Variants in GIT2 observed in about 807,000 individuals in gnomAD.
GIT2 encodes ARF GTPase-activating protein GIT2.
In GIT2, 32 loss-of-function variants were observed where a neutral mutation model predicts 100.3. That is an observed-to-expected ratio of 0.32 (90% CI 0.24 to 0.43). The LOEUF (loss-of-function observed/expected upper bound fraction) is 0.43, where lower values mean the gene tolerates loss of function less well. Ranked by LOEUF, GIT2 falls within the 20% of genes least tolerant of loss-of-function variation. The probability of loss-of-function intolerance (pLI) is 1.00; values close to 1 mark genes in which losing one functional copy is unlikely to be tolerated. For synonymous variants in GIT2, 353 were observed against 364.1 expected, an observed-to-expected ratio of 0.97 and a Z score of 0.35; for missense variants, 737 against 975.1, an observed-to-expected ratio of 0.76 and a Z score of 3.25.
At position 109,934,245 on chromosome 12, in the gene GIT2, A is replaced by C; in HGVS notation, c.2004-160T>G. 1 of 608,142 alleles carries C rather than the reference A, an allele frequency of 1.6e-6. No individual in the cohort carries two copies. The highest frequency in any genetic ancestry group is 3.0e-6 in the Non-Finnish European group (1 of 335,374). The allele number at this position is 608,142 out of a possible 1,614,324, so 37.7% of individuals were successfully genotyped here. On this transcript the variant is annotated intron_variant, in intron 18 of 19. Transcript: ENST00000355312. The surrounding 1 kb of genome is among the most constrained non-coding windows in gnomAD (Gnocchi z 4.5). ...CACCACCAGAGGGCACATGGTTATA[A>C]AGCAGGACTCTCATTGCTTCCTAAA...
rs138490364 is a variant in GIT2, at chr12:109,960,004, T to C, written c.988-46A>G. On this transcript the variant is annotated intron_variant, in intron 11 of 19. Coordinates refer to ENST00000355312, the MANE Select transcript of GIT2 (RefSeq NM_057169.5). ...GGAAATATTTCCCAGTGTAAAAATA[T>C]ATACATAAATAGTCACATAAAACTA... 306 of 1,219,576 alleles carry C rather than the reference T, an allele frequency of 2.5e-4. 1 individual carries two copies. The African/African-American group carries it at 3.8e-3, about 15-fold the overall frequency. 75.5% of individuals were successfully genotyped at this position (1,219,576 alleles called of 1,614,324 possible). A position where few individuals can be genotyped will look rare whatever the true frequency, so the allele number is the denominator to read the frequency against.
At chr12:109,943,651 G>A (rs1875415347) in intron 16 of GIT2, among the ~76,000 whole-genome samples, 1 of 147,860 alleles carries the variant, frequency 6.8e-6, no homozygotes, top group South Asian at 2.2e-4. Flanking sequence ...TAAGTACAAT[G>A]TATCAAGAAT....
chr12:109,998,937 G>T (rs1474865545), upstream of GIT2: 1 of 152,242 alleles, frequency 6.6e-6, no homozygotes, highest in Non-Finnish European at 1.5e-5. Flanking sequence ...GAGAAATCAT[G>T]AAGTAGAAAT....
At chr12:109,977,161 T>C (rs1885268415) in intron 7 of GIT2, among the ~76,000 whole-genome samples, 1 of 152,168 alleles carries the variant, frequency 6.6e-6, no homozygotes, top group African/African-American at 2.4e-5. Context: ...AGTTCTGGGT[T>C]CACAGCTCTT....
At chr12:109,995,714 C>T (rs1334234719) in intron 1 of GIT2, among the ~76,000 whole-genome samples, 1 of 152,220 alleles carries the variant, frequency 6.6e-6, no homozygotes, top group Non-Finnish European at 1.5e-5. Context: ...GGGAAGTCAT[C>T]TACGGGGACC....
intron 7 of GIT2, among the ~76,000 whole-genome samples, chr12:109,968,406 T>C (rs1240561603): frequency 6.6e-6 from 1 of 152,154 alleles, no homozygotes; most frequent in Non-Finnish European, 1.5e-5. Flanking sequence ...TACTGTTGAG[T>C]TTTAATTTTA....
rs150299377 is a variant in GIT2 at position 109,976,916 on chromosome 12, T to A, written c.718+4036A>T. Among the ~76,000 whole-genome samples, 14 of 152,310 alleles carry A rather than the reference T, an allele frequency of 9.2e-5. No homozygotes were observed. In the East Asian group the frequency reaches 2.7e-3, roughly 29 times the overall value. ...CAATGTTACAGCTTTAAGATATGTA[T>A]GACAATTTCAACTTTTTGTTTGTTT... is the stretch of plus-strand genomic sequence containing the variant. On this transcript the variant is annotated intron_variant, in intron 7 of 19. Coordinates refer to ENST00000355312, the MANE Select transcript of GIT2 (RefSeq NM_057169.5).
Position 109,962,987 on chromosome 12 carries a change from C to T in GIT2, c.817-1302G>A, listed in dbSNP as rs968550851. Among the ~76,000 whole-genome samples, 2 of 151,646 alleles carry T rather than the reference C, an allele frequency of 1.3e-5. No homozygotes were observed. Among genetic ancestry groups the T allele is most frequent in the Admixed American group, 6.6e-5 (1 of 15,226 alleles). ...CACCACTGCACGCCAGCCTGGGTGACGGAGTGAGACCTTGTCTCGAAAAAA... is the reference window on the plus strand; with the variant it reads ...CACCACTGCACGCCAGCCTGGGTGATGGAGTGAGACCTTGTCTCGAAAAAA... On this transcript the variant is annotated intron_variant, in intron 9 of 19. Coordinates refer to ENST00000355312, the MANE Select transcript of GIT2 (RefSeq NM_057169.5). This position sits in a 1 kb window ranked among gnomAD's most constrained non-coding sequence, Gnocchi z 4.3.
chr12:109,979,272 C>CT lies in GIT2; in HGVS notation c.718+1679dup, dbSNP rs11338613. Among the ~76,000 whole-genome samples, 610 of 85,772 alleles carry CT rather than the reference C, an allele frequency of 7.1e-3. 8 individuals carry two copies. Among genetic ancestry groups the CT allele is most frequent in the East Asian group, 0.036 (120 of 3,338 alleles). The allele number at this position is 85,772 out of a possible 152,430, so 56.3% of individuals were successfully genotyped here. A position where few individuals can be genotyped will look rare whatever the true frequency, so the allele number is the denominator to read the frequency against. On this transcript the variant is annotated intron_variant, in intron 7 of 19. Coordinates refer to ENST00000355312, the MANE Select transcript of GIT2 (RefSeq NM_057169.5). The stretch of plus-strand genomic sequence containing the variant: ...TTCCTGCTCTTTAACCAGAAAAAGG[C>CT]TTTTTTTTTTTTTTTTTTTTTGAGA...
Position 109,947,294 on chromosome 12 carries a change from C to G in GIT2, c.1603G>C (p.Glu535Gln). The G allele has an allele frequency of 6.2e-7, 1 of 1,614,128 alleles. No homozygotes were observed. Among genetic ancestry groups the G allele is most frequent in the Non-Finnish European group, 8.5e-7 (1 of 1,179,988 alleles). ...YLPMGEASRP[E>Q]ESRMRLQPFP... is the part of the protein sequence containing the mutation. ...GGCTGGAGTCTCATCCTGCTCTCTT[C>G]GGGGCGGCTCGCTTCTCCCATTGGG... The change falls in exon 15 of 20, where the codon GAA (glutamate) becomes CAA (glutamine). Residue 535 changes from glutamate (E) to glutamine (Q), a missense_variant. Physicochemically the swap from Glu to Gln is conservative, Grantham distance 29. Transcript: ENST00000355312. This position sits in a 1 kb window ranked among gnomAD's most constrained non-coding sequence, Gnocchi z 4.3.
chr12:109,964,018 C>T (rs575271632), intron 9 of GIT2, among the ~76,000 whole-genome samples: 11 of 152,306 alleles, frequency 7.2e-5, no homozygotes, highest in African/African-American at 2.2e-4. Flanking sequence ...ATGCCTGCCA[C>T]GTGCTAGAGA....
intron 7 of GIT2, among the ~76,000 whole-genome samples, chr12:109,968,644 A>C (rs1216088503): frequency 1.3e-5 from 2 of 152,082 alleles, no homozygotes; most frequent in African/African-American, 4.8e-5. Flanking sequence ...GCTGGTCTTG[A>C]ACTCCTGACC....
upstream of GIT2, chr12:109,998,480 G>A (rs1477095286): frequency 6.6e-6 from 1 of 152,256 alleles, no homozygotes; most frequent in Non-Finnish European, 1.5e-5. Flanking sequence ...CAGCTGAGCT[G>A]AAGCAGCAGC....
intron 7 of GIT2, among the ~76,000 whole-genome samples, chr12:109,974,754 A>G (rs1884682549): frequency 6.6e-6 from 1 of 152,244 alleles, no homozygotes; most frequent in African/African-American, 2.4e-5. Flanking sequence ...GTCAGGTAGA[A>G]GAGTCTATAA....
intron 2 of GIT2, among the ~76,000 whole-genome samples, chr12:109,990,384 C>T (rs1645070064): frequency 6.6e-6 from 1 of 152,208 alleles, no homozygotes; most frequent in African/African-American, 2.4e-5. Context: ...TACAATCTGG[C>T]TTTGCAAACA....
intron 15 of GIT2, among the ~76,000 whole-genome samples, chr12:109,946,494 A>G (rs1363164359): frequency 6.6e-6 from 1 of 152,246 alleles, no homozygotes; most frequent in East Asian, 1.9e-4. Context: ...ACATATTTTT[A>G]TAATAAAGTA....
Position 109,989,000 on chromosome 12 carries a change from C to T in GIT2, c.368G>A (p.Arg123Gln), listed in dbSNP as rs769937855. The T allele has an allele frequency of 7.4e-6, 12 of 1,612,014 alleles. No individual in the cohort carries two copies. Among genetic ancestry groups the T allele is most frequent in the South Asian group, 1.1e-5 (1 of 91,030 alleles). Reference protein sequence around the residue: ...MLAFVHRLPCRDDDSVTAKDL... With the variant: ...MLAFVHRLPCQDDDSVTAKDL... ...TTTGGCAGTCACACTATCGTCATCCCGGCAGGGCAAGCGATGGACGAACGC... is the reference window on the plus strand; with the variant it reads ...TTTGGCAGTCACACTATCGTCATCCTGGCAGGGCAAGCGATGGACGAACGC... Residue 123 changes from arginine to glutamine, a missense_variant, in exon 4 of 20, where the codon CGG becomes CAG. Transcript: ENST00000355312.
At position 109,989,001 on chromosome 12, in the gene GIT2, G is replaced by A. The variant is rs773295040; in HGVS notation, c.367C>T (p.Arg123Trp). Residue 123 changes from arginine (R) to tryptophan (W), a missense_variant, in exon 4 of 20, where the codon CGG becomes TGG. This residue lies in a region of GIT2 where 266 missense variants were observed against 376.2 expected (regional missense o/e 0.71). Coordinates refer to ENST00000355312, the MANE Select transcript of GIT2 (RefSeq NM_057169.5). ...TTGGCAGTCACACTATCGTCATCCC[G>A]GCAGGGCAAGCGATGGACGAACGCT... ...MLAFVHRLPC[R>W]DDDSVTAKDL... 1.2e-5 allele frequency: 19 copies of A among 1,611,904 alleles called. No individual in the cohort carries two copies. Among genetic ancestry groups the A allele is most frequent in the East Asian group, 2.2e-5 (1 of 44,878 alleles).
rs113464056 is a variant in GIT2 at position 109,943,837 on chromosome 12, G to A, written c.1731+1423C>T. Among the ~76,000 whole-genome samples, 675 of 151,954 alleles carry A rather than the reference G, an allele frequency of 4.4e-3. 3 individuals are homozygous for A. Among genetic ancestry groups the A allele is most frequent in the Non-Finnish European group, 7.0e-3 (474 of 67,962 alleles). On this transcript the variant is annotated intron_variant, in intron 16 of 19. Transcript: ENST00000355312. ...CTCCCAAGCACCTGGGACTACAGGT[G>A]CACATCAACACACCCGGATAATTTT... is the stretch of plus-strand genomic sequence containing the variant.
Sources: gnomAD v4.1 joint callset for allele counts (sites outside exome capture counted in the v4.1 genomes callset) on GRCh38, gnomAD v4.1.1 for gene constraint, gnomAD v4.1.1 regional missense constraint, Gnocchi (gnomAD v3.1) non-coding constraint, MANE v1.5 for transcripts, NCBI Gene and HGNC (gene_info 2026-07-23, HGNC 2026-07-21) for gene names.